The following TMEM38B variants were observed in gnomAD, a reference collection of about 807,000 sequenced individuals.
The protein encoded by TMEM38B is trimeric intracellular cation channel type B.
A neutral mutation model predicts 28.7 loss-of-function variants in TMEM38B; 24 were observed. The ratio of observed to expected loss-of-function variants is 0.84; its 90% confidence interval spans 0.61 to 1.18. The LOEUF is 1.18. TMEM38B is among the 50% of genes most tolerant of loss of function. The pLI is 0.00. For missense variants in TMEM38B, 380 were observed against 350.9 expected (o/e 1.08, Z -0.66); for synonymous variants, 131 against 127.7 (o/e 1.03, Z -0.17).
At chr9:105,735,376 A>T (rs926500565) in intron 4 of TMEM38B, among the ~76,000 whole-genome samples, 1 of 152,206 alleles carries the variant, frequency 6.6e-6, no homozygotes, top group African/African-American at 2.4e-5. Context: ...AGTTACTTCT[A>T]GTGGTGAATT....
At chr9:105,721,506 A>G in intron 2 of TMEM38B, 31 bp from the exon 3 acceptor site, 1 of 1,455,328 alleles carries the variant, frequency 6.9e-7, no homozygotes, top group Non-Finnish European at 9.2e-7. Flanking sequence ...GATTCCATTA[A>G]TATATTAAAA....
chr9:105,744,897 T>G (rs374397286), intron 4 of TMEM38B, among the ~76,000 whole-genome samples: 1 of 152,300 alleles, frequency 6.6e-6, no homozygotes, highest in South Asian at 2.1e-4. Context: ...TTCATCCATG[T>G]CCCTACAAAG....
intron 4 of TMEM38B, among the ~76,000 whole-genome samples, chr9:105,743,715 G>A (rs1157031564): frequency 1.3e-5 from 2 of 152,092 alleles, no homozygotes; most frequent in Admixed American, 6.6e-5. Context: ...CTTCCATAGA[G>A]CACCCTGACA....
rs547070990 is a variant in TMEM38B, at chr9:105,757,745, T to G, written c.660+9555T>G. 6.6e-5 allele frequency among the ~76,000 whole-genome samples: 10 copies of G among 152,296 alleles called. No individual in the cohort carries two copies. In the East Asian group the frequency reaches 1.9e-3, roughly 29 times the overall value. ...GCTGTTGGGTTTCGAAATTAAGAGA[T>G]ACTTGGTGACCTTAGTAAAAGCAAT... is the stretch of plus-strand genomic sequence containing the variant. On this transcript the variant is annotated intron_variant, in intron 5 of 5. Coordinates refer to ENST00000374692, the MANE Select transcript of TMEM38B (RefSeq NM_018112.3).
At chr9:105,732,870 A>T (rs13301124) in intron 4 of TMEM38B, among the ~76,000 whole-genome samples, 15,924 of 152,198 alleles carry the variant, frequency 0.1, 1,298 homozygotes, top group East Asian at 0.47. Flanking sequence ...GTTGATGGGG[A>T]TGACACTGAA....
At chr9:105,727,521 C>T (rs1178730602) in intron 4 of TMEM38B, among the ~76,000 whole-genome samples, 1 of 152,178 alleles carries the variant, frequency 6.6e-6, no homozygotes, top group Non-Finnish European at 1.5e-5. Flanking sequence ...GTATTATATA[C>T]TTACTTGGTT....
chr9:105,755,766 A>G (rs1303665691), intron 5 of TMEM38B, among the ~76,000 whole-genome samples: 2 of 152,196 alleles, frequency 1.3e-5, no homozygotes, highest in African/African-American at 2.4e-5. Context: ...TGTTAAATTT[A>G]TACCTAAGTA....
intron 2 of TMEM38B, among the ~76,000 whole-genome samples, chr9:105,715,967 A>G (rs1266675883): frequency 6.6e-6 from 1 of 152,148 alleles, no homozygotes; most frequent in Non-Finnish European, 1.5e-5. Flanking sequence ...TCATTTTTAT[A>G]TGAAATTGGC....
At chr9:105,767,939 T>G (rs1239693686) in intron 5 of TMEM38B, among the ~76,000 whole-genome samples, 1 of 152,130 alleles carries the variant, frequency 6.6e-6, no homozygotes, top group Non-Finnish European at 1.5e-5. Context: ...TGCCTTATTA[T>G]ATTGGCTAGA....
At position 105,759,320 on chromosome 9, in the gene TMEM38B, C is replaced by G. The variant is rs1017022243; in HGVS notation, c.660+11130C>G. The G allele has an allele frequency of 2.0e-5, 19 of 938,932 alleles. No individual in the cohort carries two copies. The Middle Eastern group carries it at 7.5e-4, about 37-fold the overall frequency. The allele number at this position is 938,932 out of a possible 1,614,324, so 58.2% of individuals were successfully genotyped here. ...ATCCACAGTCTTAAAAATTCCTTCA[C>G]AATTTGAATTCCTTCAAATCAATGG... On this transcript the variant is annotated intron_variant, in intron 5 of 5. Coordinates refer to ENST00000374692, the MANE Select transcript of TMEM38B (RefSeq NM_018112.3).
chr9:105,754,974 T>G (rs1417300213), intron 5 of TMEM38B, among the ~76,000 whole-genome samples: 2 of 152,184 alleles, frequency 1.3e-5, no homozygotes, highest in African/African-American at 4.8e-5. Flanking sequence ...TAGAGAATAC[T>G]GTACTATATA....
At chr9:105,767,853 G>T (rs903058436) in intron 5 of TMEM38B, among the ~76,000 whole-genome samples, 2 of 151,870 alleles carry the variant, frequency 1.3e-5, no homozygotes, top group Admixed American at 6.6e-5. Flanking sequence ...CTTTAGCATT[G>T]TCTATATACA....
intron 2 of TMEM38B, among the ~76,000 whole-genome samples, chr9:105,708,512 A>G (rs931287371): frequency 2.0e-5 from 3 of 152,214 alleles, no homozygotes; most frequent in Non-Finnish European, 4.4e-5. Context: ...TATCTTATTA[A>G]GAACAATATC....
intron 4 of TMEM38B, among the ~76,000 whole-genome samples, chr9:105,736,285 T>A (rs564593396): frequency 6.6e-6 from 1 of 152,304 alleles, no homozygotes; most frequent in South Asian, 2.1e-4. Context: ...ATAGGCTTTC[T>A]TTACTCTTTT....
intron 1 of TMEM38B, chr9:105,701,462 A>AT (rs1384763762): frequency 1.3e-5 from 2 of 152,206 alleles, no homozygotes; most frequent in Non-Finnish European, 2.9e-5. Flanking sequence ...TGCTTCTGAG[A>AT]TTTTTTGCAA....
At chr9:105,721,380 C>G (rs768385064) in intron 2 of TMEM38B, among the ~76,000 whole-genome samples, 157 bp from the exon 3 acceptor site, 42 of 152,124 alleles carry the variant, frequency 2.8e-4, no homozygotes, top group Non-Finnish European at 5.4e-4. Flanking sequence ...AATTGCCTCC[C>G]TACCCAAGTT....
chr9:105,707,079 G>T (rs1835699683), intron 2 of TMEM38B, among the ~76,000 whole-genome samples: 1 of 152,130 alleles, frequency 6.6e-6, no homozygotes, highest in African/African-American at 2.4e-5. Context: ...TGCCCAGCCT[G>T]TCTTATGTAT....
intron 5 of TMEM38B, chr9:105,759,628 A>C (rs1472110832): frequency 1.9e-6 from 3 of 1,578,752 alleles, no homozygotes; most frequent in Non-Finnish European, 2.6e-6. Flanking sequence ...AGAGGCATCC[A>C]GTGTAAAGAG....
intron 4 of TMEM38B, among the ~76,000 whole-genome samples, chr9:105,744,793 G>A (rs1837330544): frequency 6.6e-6 from 1 of 151,916 alleles, no homozygotes; most frequent in South Asian, 2.1e-4. Flanking sequence ...GTGTCCATGT[G>A]TTCTCATTGT....
Sources: gnomAD v4.1 joint callset for allele counts (sites outside exome capture counted in the v4.1 genomes callset) on GRCh38, gnomAD v4.1.1 for gene constraint, MANE v1.5 for transcripts, NCBI Gene and HGNC (gene_info 2026-07-23, HGNC 2026-07-21) for gene names.